KIFC3: variants seen among roughly 807,000 people sequenced by gnomAD.
The protein encoded by KIFC3 is kinesin family member C3, also known as kinesin-like protein KIFC3.
Under a neutral mutation model 101.8 loss-of-function variants are expected in KIFC3, and 60 were observed. That is an observed-to-expected ratio of 0.59 (90% CI 0.48 to 0.73). The LOEUF (loss-of-function observed/expected upper bound fraction) is 0.73, where lower values mean the gene tolerates loss of function less well. KIFC3 is among the 30% of genes least tolerant of loss of function. KIFC3 has a pLI of 0.00. For missense variants in KIFC3, 966 were observed against 1,137.1 expected (o/e 0.85, Z 2.16); for synonymous variants, 476 against 482.7 (o/e 0.99, Z 0.18).
At chr16:57,798,531 T>C in intron 1 of KIFC3, 1 of 558,538 alleles carries the variant, frequency 1.8e-6, no homozygotes, top group South Asian at 2.0e-5. Context: ...CAGCTGTGCC[T>C]GAGACCCCAC....
intron 1 of KIFC3, among the ~76,000 whole-genome samples, chr16:57,856,450 G>A (rs929050720): frequency 4.5e-5 from 6 of 132,490 alleles, no homozygotes; most frequent in African/African-American, 8.2e-5. Flanking sequence ...GACAGAGACC[G>A]TGTCTAAAAA....
chr16:57,860,022 A>AAAAAATAATAAAAT (rs2056260237), intron 1 of KIFC3, among the ~76,000 whole-genome samples: 2 of 86,850 alleles, frequency 2.3e-5, no homozygotes, highest in Non-Finnish European at 4.9e-5. Flanking sequence ...ACTCTGTCTC[A>AAAAAATAATAAAAT]AAAATAAAAT....
rs1555608633 is a variant in KIFC3 at position 57,771,669 on chromosome 16, C to A, written c.399G>T (p.Glu133Asp). ...LRSELGGTDLEKHRDLLMVEN... is the reference protein window; with the variant it reads ...LRSELGGTDLDKHRDLLMVEN... ...CCACCATCAGCAGGTCCCGGTGCTT[C>A]TCCAAGTCGGTGCCCCCCTGCAGAG... is the stretch of plus-strand genomic sequence containing the variant. The change falls in exon 5 of 20, where the codon GAG becomes GAT. Residue 133 changes from glutamate (E) to aspartate (D), a missense_variant. By Grantham distance (45) the Glu-to-Asp change is conservative. Coordinates refer to ENST00000445690, the MANE Select transcript of KIFC3 (RefSeq NM_001130100.2). 1 of 1,612,276 alleles carries A rather than the reference C, an allele frequency of 6.2e-7. No homozygotes were observed. Among genetic ancestry groups the A allele is most frequent in the Non-Finnish European group, 8.5e-7 (1 of 1,179,562 alleles).
intron 3 of KIFC3, among the ~76,000 whole-genome samples, chr16:57,783,380 A>G (rs2052946548): frequency 6.7e-6 from 1 of 150,358 alleles, no homozygotes; most frequent in Non-Finnish European, 1.5e-5. Context: ...TTGCCACCTT[A>G]ATATACTTAC....
intron 1 of KIFC3, among the ~76,000 whole-genome samples, chr16:57,847,267 GA>G (rs55706409): frequency 0.011 from 1,096 of 99,694 alleles, 62 homozygotes; most frequent in African/African-American, 0.034. Flanking sequence ...AGGAAGGAAG[GA>G]AGGGAAGGGA....
intron 1 of KIFC3, among the ~76,000 whole-genome samples, chr16:57,818,775 C>T (rs370895896): frequency 2.0e-5 from 3 of 152,198 alleles, no homozygotes; most frequent in African/African-American, 2.4e-5. Flanking sequence ...ATTTGCCCAG[C>T]GTGGTCAATG....
intron 1 of KIFC3, among the ~76,000 whole-genome samples, chr16:57,852,485 G>A (rs910951810): frequency 1.3e-5 from 2 of 152,086 alleles, no homozygotes; most frequent in African/African-American, 4.8e-5. Context: ...TTTCGGGTGC[G>A]GTGCTTCCTC....
upstream of KIFC3, chr16:57,803,078 C>T (rs1182621738): frequency 6.6e-7 from 1 of 1,523,614 alleles, no homozygotes; most frequent in Non-Finnish European, 8.8e-7. Context: ...GGCCAGGCCG[C>T]CTTCTAGCCA....
chr16:57,807,655 A>G (rs113132871), upstream of KIFC3: 5 of 152,264 alleles, frequency 3.3e-5, no homozygotes, highest in East Asian at 1.9e-4. Context: ...AACCAAGGCA[A>G]TCTTTCCCCC....
At chr16:57,859,020 A>G (rs1168204619) in intron 1 of KIFC3, among the ~76,000 whole-genome samples, 1 of 152,270 alleles carries the variant, frequency 6.6e-6, no homozygotes, top group Non-Finnish European at 1.5e-5. Flanking sequence ...GTATATGAAG[A>G]CAGACAAATG....
chr16:57,775,761 A>C (rs2051970068), intron 3 of KIFC3: 1 of 985,634 alleles, frequency 1.0e-6, no homozygotes. Flanking sequence ...CCCAAGACAC[A>C]GGACGGAGGA....
At chr16:57,835,318 A>G (rs1555480163) in intron 1 of KIFC3, among the ~76,000 whole-genome samples, 1 of 152,256 alleles carries the variant, frequency 6.6e-6, no homozygotes, top group Non-Finnish European at 1.5e-5. Flanking sequence ...GAAAATGAAC[A>G]TGTGTCTCTT....
chr16:57,799,406 T>G lies in KIFC3; in HGVS notation c.-39-1124A>C, dbSNP rs566431843. The stretch of plus-strand genomic sequence containing the variant: ...CCTGGGCTGTCGACTACTCTCCCCA[T>G]CCGTCACTGCAGTGGCCACTTCCTG... On this transcript the variant is annotated intron_variant, in intron 1 of 19. Transcript: ENST00000445690. Among the ~76,000 whole-genome samples the G allele has an allele frequency of 1.5e-3, 228 of 152,172 alleles. 1 individual carries two copies. Among genetic ancestry groups the G allele is most frequent in the African/African-American group, 5.4e-3 (226 of 41,522 alleles).
intron 1 of KIFC3, among the ~76,000 whole-genome samples, chr16:57,857,796 T>TTC (rs2056203525): frequency 1.6e-5 from 2 of 128,028 alleles, no homozygotes; most frequent in African/African-American, 2.9e-5. Flanking sequence ...TTTTTTTTTT[T>TTC]ATTTCTTTTC....
intron 11 of KIFC3, among the ~76,000 whole-genome samples, chr16:57,765,092 T>C (rs1302632981): frequency 6.8e-6 from 1 of 146,854 alleles, no homozygotes; most frequent in East Asian, 2.0e-4. Flanking sequence ...GCTGTGGATA[T>C]AGGAGGGGCC....
intron 1 of KIFC3, chr16:57,862,629 A>G (rs1260250009): frequency 1.2e-5 from 4 of 320,096 alleles, no homozygotes; most frequent in African/African-American, 6.4e-5. Flanking sequence ...AATCCCAATC[A>G]CTGTTTTTCA....
At chr16:57,808,099 T>G (rs2054984056), upstream of KIFC3, 1 of 152,126 alleles carries the variant, frequency 6.6e-6, no homozygotes, top group Non-Finnish European at 1.5e-5. Flanking sequence ...TAAAGCCTTA[T>G]GACTCAAGGA....
intron 3 of KIFC3, chr16:57,776,377 G>A (rs2052092223): frequency 1.0e-6 from 1 of 985,620 alleles, no homozygotes; most frequent in African/African-American, 1.7e-5. Flanking sequence ...TGCCTCTGTT[G>A]CCAAGTCTTC....
intron 1 of KIFC3, among the ~76,000 whole-genome samples, chr16:57,811,312 A>G (rs185244533): frequency 6.6e-6 from 1 of 152,352 alleles, no homozygotes; most frequent in Non-Finnish European, 1.5e-5. Context: ...TATACTAAAA[A>G]CTATTGGATT....
Sources: allele counts gnomAD v4.1 joint callset (sites outside exome capture counted in the v4.1 genomes callset), GRCh38; gene constraint gnomAD v4.1.1; transcripts MANE v1.5; gene names NCBI Gene and HGNC (gene_info 2026-07-23, HGNC 2026-07-21).